KAZN: variants seen among roughly 807,000 people sequenced by gnomAD.
The protein encoded by KAZN is kazrin, periplakin interacting protein.
Under a neutral mutation model 87.4 loss-of-function variants are expected in KAZN, and 40 were observed. The ratio of observed to expected loss-of-function variants is 0.46; its 90% CI spans 0.36 to 0.60. The LOEUF is 0.60. Among genes scored for constraint, KAZN ranks in the 20% least tolerant of loss-of-function variants. The probability of loss-of-function intolerance (pLI) is 0.00; values close to 1 mark genes in which losing one functional copy is unlikely to be tolerated. For synonymous variants in KAZN, 466 were observed against 458.3 expected (o/e 1.02, Z -0.22); for missense variants, 898 against 1,073.9 (o/e 0.84, Z 2.29).
At chr1:14,796,626 G>A (rs1021811035) in intron 1 of KAZN, among the ~76,000 whole-genome samples, 1 of 152,244 alleles carries the variant, frequency 6.6e-6, no homozygotes, top group African/African-American at 2.4e-5. Flanking sequence ...TCAGCTCTAT[G>A]TATCGCCGTA....
At chr1:14,052,715 G>T (rs1027299724) in intron 1 of KAZN, among the ~76,000 whole-genome samples, 1 of 152,204 alleles carries the variant, frequency 6.6e-6, no homozygotes, top group Non-Finnish European at 1.5e-5. Context: ...AGACTGAGAA[G>T]TTAAGGTAAC....
At chr1:14,251,982 A>G (rs1326550857) in intron 2 of KAZN, among the ~76,000 whole-genome samples, 1 of 151,900 alleles carries the variant, frequency 6.6e-6, no homozygotes, top group East Asian at 1.9e-4. Context: ...TGTGAAGGTG[A>G]ATTTCTAGAT....
chr1:14,691,909 C>A (rs1464399545), intron 1 of KAZN, among the ~76,000 whole-genome samples: 1 of 147,964 alleles, frequency 6.8e-6, no homozygotes, highest in Non-Finnish European at 1.5e-5. Flanking sequence ...CACAGCTTAT[C>A]TTATCTGCCA....
intron 3 of KAZN, 66 bp from the exon 4 acceptor site, chr1:15,043,923 G>C: frequency 1.3e-6 from 2 of 1,484,896 alleles, no homozygotes. Context: ...CCCCCTCTAG[G>C]CATCCCTGGG....
chr1:14,523,065 C>T (rs1671670814), intron 2 of KAZN, among the ~76,000 whole-genome samples: 1 of 152,144 alleles, frequency 6.6e-6, no homozygotes, highest in South Asian at 2.1e-4. Flanking sequence ...CACTCATCGT[C>T]CTAGTCTACT....
At chr1:14,669,079 C>G (rs887875289) in intron 1 of KAZN, among the ~76,000 whole-genome samples, 28 of 152,130 alleles carry the variant, frequency 1.8e-4, no homozygotes, top group African/African-American at 5.6e-4. Context: ...TCTTCTATTG[C>G]TTGGAAATGA....
At chr1:14,738,121 T>C (rs1444603292) in intron 1 of KAZN, among the ~76,000 whole-genome samples, 1 of 152,062 alleles carries the variant, frequency 6.6e-6, no homozygotes, top group Non-Finnish European at 1.5e-5. Flanking sequence ...GGCTACCCTT[T>C]CTCCCTTGGG....
At chr1:14,765,779 C>A (rs1644867698) in intron 1 of KAZN, among the ~76,000 whole-genome samples, 1 of 152,162 alleles carries the variant, frequency 6.6e-6, no homozygotes, top group Admixed American at 6.5e-5. Flanking sequence ...TTGACAGGAA[C>A]AACCCAGGAG....
At chr1:14,661,682 G>C (rs1186160062) in intron 1 of KAZN, among the ~76,000 whole-genome samples, 2 of 128,438 alleles carry the variant, frequency 1.6e-5, no homozygotes, top group South Asian at 3.1e-4. Context: ...GGAGGGAGGG[G>C]AGGGAGGGGA....
At position 14,798,446 on chromosome 1, in the gene KAZN, G is replaced by A. The variant is rs1340380813; in HGVS notation, c.227-162238G>A. The stretch of plus-strand genomic sequence containing the variant: ...TTTTTTTTTTTTTTTTTTTTTTTTT[G>A]AGACAGAGTCTTGCTCTGTCACCCA... On this transcript the variant is annotated intron_variant, in intron 1 of 14. Coordinates refer to ENST00000376030, the MANE Select transcript of KAZN (RefSeq NM_201628.3). Among the ~76,000 whole-genome samples the A allele has an allele frequency of 3.4e-3, 82 of 24,372 alleles. 1 individual carries two copies. Among genetic ancestry groups the A allele is most frequent in the African/African-American group, 0.013 (81 of 6,310 alleles). 16.0% of individuals were successfully genotyped at this position (24,372 alleles called of 152,430 possible).
intron 1 of KAZN, among the ~76,000 whole-genome samples, chr1:14,005,527 A>C (rs1639999240): frequency 6.6e-6 from 1 of 152,208 alleles, no homozygotes; most frequent in Non-Finnish European, 1.5e-5. Context: ...AAGTAGACTC[A>C]TGGTGTAGAC....
intron 1 of KAZN, among the ~76,000 whole-genome samples, chr1:14,091,564 A>G (rs1052350164): frequency 4.6e-5 from 7 of 152,354 alleles, no homozygotes; most frequent in Admixed American, 1.3e-4. Context: ...AGGTAAAAAC[A>G]TCAATTAATA....
At chr1:14,638,821 G>A (rs1680206600) in intron 1 of KAZN, among the ~76,000 whole-genome samples, 1 of 152,086 alleles carries the variant, frequency 6.6e-6, no homozygotes. Flanking sequence ...CCTCCCCTCT[G>A]ATCTCCTTGC....
At chr1:14,924,156 G>C (rs944423192) in intron 1 of KAZN, 3 of 982,294 alleles carry the variant, frequency 3.1e-6, no homozygotes, top group East Asian at 2.3e-4. Context: ...GAGGCTCCGC[G>C]GCCGAATTCC....
In KAZN at chr1:14,648,477, G is replaced by A. The variant is rs1680977128; in HGVS notation, c.226+49254G>A. Among the ~76,000 whole-genome samples, 8 of 152,182 alleles carry A rather than the reference G, an allele frequency of 5.3e-5. No individual in the cohort carries two copies. The South Asian group carries it at 1.7e-3, about 32-fold the overall frequency. On this transcript the variant is annotated intron_variant, in intron 1 of 14. Coordinates refer to ENST00000376030, the MANE Select transcript of KAZN (RefSeq NM_201628.3). ...TTTTTTTTTAACTTATGCAATGGTAGGACATCTGATTTTAGCTGATCTAAA... is the reference window on the plus strand; with the variant it reads ...TTTTTTTTTAACTTATGCAATGGTAAGACATCTGATTTTAGCTGATCTAAA...
chr1:14,759,465 C>A (rs1644673241), intron 1 of KAZN, among the ~76,000 whole-genome samples: 1 of 152,184 alleles, frequency 6.6e-6, no homozygotes, highest in African/African-American at 2.4e-5. Context: ...TATATTTGTG[C>A]AAATTTTGGT....
intron 1 of KAZN, among the ~76,000 whole-genome samples, chr1:14,167,066 A>G (rs758500867): frequency 1.3e-5 from 2 of 152,186 alleles, no homozygotes; most frequent in Admixed American, 6.5e-5. Flanking sequence ...TCATCAAAAG[A>G]TTTTCCTTAA....
At position 14,214,378 on chromosome 1, in the gene KAZN, C is replaced by T. The variant is rs74057109; in HGVS notation, c.249+33786C>T. On this transcript the variant is annotated intron_variant, in intron 2 of 16. Coordinates refer to the KAZN transcript ENST00000636203. ...TTTTATGCACTGCTTTACTCAGCAC[C>T]ACAACCATGTCTGAAATAAGGTGTA... is the stretch of plus-strand genomic sequence containing the variant. Among the ~76,000 whole-genome samples the T allele has an allele frequency of 5.3e-3, 807 of 152,204 alleles. 7 individuals carry two copies. The highest frequency in any genetic ancestry group is 0.018 in the African/African-American group (747 of 41,528).
chr1:14,585,864 G>C (rs1001006649), intron 2 of KAZN, among the ~76,000 whole-genome samples: 1 of 152,188 alleles, frequency 6.6e-6, no homozygotes, highest in African/African-American at 2.4e-5. Flanking sequence ...GGGAAGATGG[G>C]CTTCTGCTGA....
Sources: allele counts gnomAD v4.1 joint callset (sites outside exome capture counted in the v4.1 genomes callset), GRCh38; gene constraint gnomAD v4.1.1; transcripts MANE v1.5; gene names NCBI Gene and HGNC (gene_info 2026-07-23, HGNC 2026-07-21).